The following SORBS2 variants were observed in gnomAD, a reference collection of about 807,000 sequenced individuals.
SORBS2 encodes the protein sorbin and SH3 domain-containing protein 2.
In SORBS2, 46 loss-of-function variants were observed where a neutral mutation model predicts 97.7. That is an observed-to-expected ratio of 0.47 (90% CI 0.37 to 0.60). SORBS2 has a LOEUF of 0.60. Ranked by LOEUF, SORBS2 falls within the 20% of genes least tolerant of loss-of-function variation. SORBS2 has a pLI of 0.00. For missense variants in SORBS2, 1,316 were observed against 1,282.3 expected (o/e 1.03, Z -0.40); for synonymous variants, 476 against 473.4 (o/e 1.01, Z -0.07).
intron 11 of SORBS2, among the ~76,000 whole-genome samples, chr4:185,612,961 C>T (rs1184812859): frequency 2.6e-5 from 4 of 152,208 alleles, no homozygotes; most frequent in Non-Finnish European, 5.9e-5. Context: ...CCATTCCATA[C>T]TTGTCATTAA....
intron 2 of SORBS2, among the ~76,000 whole-genome samples, chr4:185,726,485 G>A (rs1054889941): frequency 6.6e-6 from 1 of 151,740 alleles, no homozygotes; most frequent in African/African-American, 2.4e-5. Flanking sequence ...AAGTTTTCAG[G>A]GACCATTTTT....
At chr4:185,692,392 C>G (rs574302924) in intron 2 of SORBS2, among the ~76,000 whole-genome samples, 37 of 152,310 alleles carry the variant, frequency 2.4e-4, no homozygotes, top group Admixed American at 2.0e-4. Context: ...GATCACCTGT[C>G]AAGAAAGACT....
chr4:185,703,565 T>C (rs2098296273), intron 2 of SORBS2, among the ~76,000 whole-genome samples: 1 of 152,254 alleles, frequency 6.6e-6, no homozygotes, highest in African/African-American at 2.4e-5. Context: ...GAATCAGTCA[T>C]GCCATAACTT....
chr4:185,936,103 C>T (rs2099268826), intron 1 of SORBS2, among the ~76,000 whole-genome samples: 1 of 152,242 alleles, frequency 6.6e-6, no homozygotes, highest in African/African-American at 2.4e-5. Context: ...AAGTGATTAG[C>T]CCGACTCGGC....
chr4:185,760,104 C>G (rs2098864993), intron 2 of SORBS2, among the ~76,000 whole-genome samples: 1 of 152,194 alleles, frequency 6.6e-6, no homozygotes, highest in African/African-American at 2.4e-5. Context: ...TTCTCGTTCT[C>G]CATCCATGCT....
intron 2 of SORBS2, among the ~76,000 whole-genome samples, chr4:185,700,053 C>T (rs560738177): frequency 2.2e-4 from 34 of 152,106 alleles, no homozygotes; most frequent in Admixed American, 1.2e-3. Context: ...GGCATACACA[C>T]GAGAGGGGAA....
chr4:185,789,988 T>C (rs1008844357), intron 1 of SORBS2, among the ~76,000 whole-genome samples: 3 of 152,308 alleles, frequency 2.0e-5, no homozygotes, highest in South Asian at 2.1e-4. Flanking sequence ...TTTGCCGTTA[T>C]CTGTTTCACT....
chr4:185,860,915 C>T (rs552324103), intron 1 of SORBS2, among the ~76,000 whole-genome samples: 90 of 152,270 alleles, frequency 5.9e-4, no homozygotes, highest in Middle Eastern at 3.4e-3. Flanking sequence ...GTAAATGTTC[C>T]TTATCAGACT....
Position 185,849,033 on chromosome 4 carries a change from G to T in SORBS2, c.-337-73667C>A, listed in dbSNP as rs559872269. ...GACAGCTGCTAGGTGGTACGAAAAG[G>T]TTGGTTGTTTTGTTTATTTTGGACA... On this transcript the variant is annotated intron_variant, in intron 1 of 20. Transcript: ENST00000284776. 2.0e-5 allele frequency among the ~76,000 whole-genome samples: 3 copies of T among 152,276 alleles called. No homozygotes were observed. The South Asian group carries it at 6.2e-4, about 32-fold the overall frequency.
At chr4:185,615,796 C>T (rs1161214878) in intron 9 of SORBS2, among the ~76,000 whole-genome samples, 2 of 152,024 alleles carry the variant, frequency 1.3e-5, no homozygotes, top group African/African-American at 4.8e-5. Context: ...AGACATATGC[C>T]AATGCTTGCC....
At chr4:185,910,042 G>T (rs1357368370) in intron 1 of SORBS2, among the ~76,000 whole-genome samples, 1 of 151,274 alleles carries the variant, frequency 6.6e-6, no homozygotes, top group African/African-American at 2.4e-5. Context: ...ATGCCTGGCT[G>T]TGTGTCTGAC....
intron 2 of SORBS2, among the ~76,000 whole-genome samples, chr4:185,724,763 G>T (rs541743755): frequency 1.3e-5 from 2 of 152,092 alleles, no homozygotes; most frequent in African/African-American, 4.8e-5. Context: ...GCTGTTTCCC[G>T]AATCTGGATG....
chr4:185,920,986 G>A (rs2099260658), intron 1 of SORBS2, among the ~76,000 whole-genome samples: 1 of 152,180 alleles, frequency 6.6e-6, no homozygotes, highest in Non-Finnish European at 1.5e-5. Flanking sequence ...GAAGTTGTGA[G>A]GCTTCCTCCT....
At chr4:185,899,790 C>T (rs112914086) in intron 1 of SORBS2, among the ~76,000 whole-genome samples, 7 of 152,156 alleles carry the variant, frequency 4.6e-5, no homozygotes, top group Non-Finnish European at 2.9e-5. Context: ...CTTCAGGCTT[C>T]GCACGTTCTT....
intron 2 of SORBS2, among the ~76,000 whole-genome samples, chr4:185,729,532 G>A (rs1258798876): frequency 1.3e-5 from 2 of 152,220 alleles, no homozygotes; most frequent in African/African-American, 2.4e-5. Flanking sequence ...CTGTAGCCAC[G>A]TGGATCTGTG....
chr4:185,619,200 A>T (rs1184945166), intron 8 of SORBS2, among the ~76,000 whole-genome samples: 4 of 152,020 alleles, frequency 2.6e-5, no homozygotes, highest in Admixed American at 6.6e-5. Flanking sequence ...TCCACCAGCC[A>T]CTCGTCTTTT....
intron 1 of SORBS2, among the ~76,000 whole-genome samples, chr4:185,938,036 G>A (rs1244270319): frequency 1.4e-5 from 2 of 145,536 alleles, no homozygotes; most frequent in African/African-American, 2.6e-5. Flanking sequence ...TTGAGATGGG[G>A]TCTTGCTCTG....
rs993148519 is a variant in SORBS2, at chr4:185,614,601, C to G, written c.2595+230G>C. ...ATGCCCGGCTTCCCAGACTAAGCCA[C>G]AGAGGGAGAAGCCTGGTATCCCACG... On this transcript the variant is annotated intron_variant, in intron 11 of 14. Transcript: ENST00000418609. 8 of 492,508 alleles carry G rather than the reference C, an allele frequency of 1.6e-5. No homozygotes were observed. The South Asian group carries it at 2.6e-4, about 16-fold the overall frequency. The allele number at this position is 492,508 out of a possible 1,614,324, so 30.5% of individuals were successfully genotyped here. A position where few individuals can be genotyped will look rare whatever the true frequency, so the allele number is the denominator to read the frequency against.
intron 2 of SORBS2, among the ~76,000 whole-genome samples, chr4:185,730,408 T>C (rs532039386): frequency 6.6e-6 from 1 of 151,968 alleles, no homozygotes; most frequent in East Asian, 1.9e-4. Flanking sequence ...TTCTTCATTA[T>C]AGACTGTATT....
Sources: gnomAD v4.1 joint callset for allele counts (sites outside exome capture counted in the v4.1 genomes callset) on GRCh38, gnomAD v4.1.1 for gene constraint, MANE v1.5 for transcripts, NCBI Gene and HGNC (gene_info 2026-07-23, HGNC 2026-07-21) for gene names.